Variants in MMP9 observed in about 807,000 individuals in gnomAD.
MMP9 encodes the protein matrix metalloproteinase-9.
Under a neutral mutation model 76.4 loss-of-function variants are expected in MMP9, and 73 were observed. The ratio of observed to expected loss-of-function variants is 0.96; its 90% CI spans 0.79 to 1.16. The LOEUF (loss-of-function observed/expected upper bound fraction) is 1.16, where lower values mean the gene tolerates loss of function less well. MMP9 is among the 50% of genes most tolerant of loss of function. The probability of loss-of-function intolerance (pLI) is 0.00; values close to 1 mark genes in which losing one functional copy is unlikely to be tolerated. For synonymous variants in MMP9, 412 were observed against 408.4 expected (o/e 1.01, Z -0.11); for missense variants, 943 against 973.0 (o/e 0.97, Z 0.41).
chr20:46,010,333 A>AAAAAAAAAAAAAAAAAAAC lies in MMP9; in HGVS notation c.372-142_372-141insAAAAAAAAAACAAAAAAAA, dbSNP rs796972949. The AAAAAAAAAAAAAAAAAAAC allele has an allele frequency of 1.6e-4, 129 of 828,752 alleles. 7 individuals carry two copies. The African/African-American group carries it at 2.5e-3, about 16-fold the overall frequency. The allele number at this position is 828,752 out of a possible 1,614,324, so 51.3% of individuals were successfully genotyped here. A position where few individuals can be genotyped will look rare whatever the true frequency, so the allele number is the denominator to read the frequency against. ...GGGTCTAAGTAGACAAAAAAAAAAA[A>AAAAAAAAAAAAAAAAAAAC]AAAAAAAACAGTCTGGAAGCAATTT... On this transcript the variant is annotated intron_variant, in intron 2 of 12. Coordinates refer to ENST00000372330, the MANE Select transcript of MMP9 (RefSeq NM_004994.3).
chr20:46,010,008 T>C lies in MMP9; in HGVS notation c.281T>C (p.Met94Thr). The change falls in exon 2 of 13, where the codon ATG becomes ACG. Residue 94 changes from methionine to threonine, a missense_variant. Met to Thr is a moderately conservative substitution (Grantham distance 81, BLOSUM62 -1). Transcript: ENST00000372330. The stretch of plus-strand genomic sequence containing the variant: ...CTGGATAGCGCCACGCTGAAGGCCA[T>C]GCGAACCCCACGGTGCGGGGTCCCA... ...GELDSATLKA[M>T]RTPRCGVPDL... The C allele has an allele frequency of 6.4e-7, 1 of 1,551,656 alleles. No individual in the cohort carries two copies. Among genetic ancestry groups the C allele is most frequent in the Non-Finnish European group, 8.7e-7 (1 of 1,146,982 alleles).
intron 2 of MMP9, 144 bp from the exon 3 acceptor site, chr20:46,010,339 A>AAAAAAAAAAAAAAAAAC: frequency 1.1e-6 from 1 of 920,516 alleles, no homozygotes; most frequent in South Asian, 1.5e-5. Flanking sequence ...AAAAAAAAAA[A>AAAAAAAAAAAAAAAAAC]AACAGTCTGG....
rs766452393 is a variant in MMP9 at position 46,011,171 on chromosome 20, T to C, written c.678T>C (p.Asp226=). 8.1e-6 allele frequency: 13 copies of C among 1,614,058 alleles called. No individual in the cohort carries two copies. Among genetic ancestry groups the C allele is most frequent in the Non-Finnish European group, 9.3e-6 (11 of 1,180,048 alleles). ...TTCCAACTCGGTTTGGAAACGCAGA[T>C]GGCGCGGCCTGCCACTTCCCCTTCA... is the stretch of plus-strand genomic sequence containing the variant. ...VVVPTRFGNA[D]GAACHFPFIF... is the part of the protein sequence containing the mutation. Residue 226 remains aspartate, a synonymous_variant, in exon 5 of 13, where the codon GAT becomes GAC. Transcript: ENST00000372330.
rs1198936223 is a variant in MMP9 at position 46,009,182 on chromosome 20, T to C, written c.138+118T>C. ...AGGGGTGTGTTGGTGGTGATGGGCG[T>C]ATCTGAAGAACAGAGGTGTCCAGGG... On this transcript the variant is annotated intron_variant, in intron 1 of 12. Transcript: ENST00000372330. 1.6e-5 allele frequency: 18 copies of C among 1,157,836 alleles called. No homozygotes were observed. In the East Asian group the frequency reaches 3.3e-4, roughly 21 times the overall value. 71.7% of individuals were successfully genotyped at this position (1,157,836 alleles called of 1,614,324 possible). A position where few individuals can be genotyped will look rare whatever the true frequency, so the allele number is the denominator to read the frequency against.
In MMP9 at chr20:46,013,372, C is replaced by T; in HGVS notation, c.1448C>T (p.Ala483Val). The change falls in exon 9 of 13, where the codon GCT becomes GTT. Residue 483 changes from alanine (A) to valine (V), a missense_variant. By Grantham distance (64) the Ala-to-Val change is moderately conservative. Transcript: ENST00000372330. This position sits in a 1 kb window ranked among gnomAD's most constrained non-coding sequence, Gnocchi z 4.5. ...GTCCACCCCTCAGAGCGCCCCACAG[C>T]TGGCCCCACAGGTCCCCCCTCAGCT... ...PTVHPSERPTAGPTGPPSAGP... is the reference protein window; with the variant it reads ...PTVHPSERPTVGPTGPPSAGP... The T allele has an allele frequency of 6.2e-7, 1 of 1,611,994 alleles. No homozygotes were observed. The highest frequency in any genetic ancestry group is 8.5e-7 in the Non-Finnish European group (1 of 1,178,532).
chr20:46,011,464 G>C, intron 5 of MMP9, 110 bp from the exon 6 acceptor site: 2 of 1,570,186 alleles, frequency 1.3e-6, no homozygotes, highest in Admixed American at 3.3e-5. Context: ...GAAATGATGA[G>C]AGATGGGATG....
At position 46,012,243 on chromosome 20, in the gene MMP9, T is replaced by TG; in HGVS notation, c.1107dup (p.Arg370AlafsTer11). ...CCTGTACCAGCGAGGGCCGCGGAGA[T>TG]GGGCGCCTCTGGTGCGCTACCACCT... On this transcript the variant is annotated frameshift_variant, in exon 7 of 13. Transcript: ENST00000372330. LOFTEE classifies it high-confidence loss of function. 6.2e-7 allele frequency: 1 copy of TG among 1,614,066 alleles called. No homozygotes were observed. Among genetic ancestry groups the TG allele is most frequent in the Non-Finnish European group, 8.5e-7 (1 of 1,180,020 alleles).
chr20:46,013,609 C>T lies in MMP9; in HGVS notation c.1611-48C>T, dbSNP rs752829288. On this transcript the variant is annotated intron_variant, in intron 9 of 12. Transcript: ENST00000372330. The surrounding 1 kb of genome is among the most constrained non-coding windows in gnomAD (Gnocchi z 4.5). ...TGCCCGTCCCTTCCCGCCCACTGGC[C>T]CTGTGTCCAAGGCTTAGAGCCCGTC... 1 of 1,612,942 alleles carries T rather than the reference C, an allele frequency of 6.2e-7. No homozygotes were observed. Among genetic ancestry groups the T allele is most frequent in the Non-Finnish European group, 8.5e-7 (1 of 1,179,200 alleles).
In MMP9 at chr20:46,013,630, C is replaced by T; in HGVS notation, c.1611-27C>T. 6.2e-7 allele frequency: 1 copy of T among 1,614,022 alleles called. No homozygotes were observed. The highest frequency in any genetic ancestry group is 8.5e-7 in the Non-Finnish European group (1 of 1,179,950). On this transcript the variant is annotated intron_variant, in intron 9 of 12. Transcript: ENST00000372330. The surrounding 1 kb of genome is among the most constrained non-coding windows in gnomAD (Gnocchi z 4.5). ...TGGCCCTGTGTCCAAGGCTTAGAGC[C>T]CGTCCTTTCCCTCCTCGCTTTCTCA...
rs1173991915 is a variant in MMP9, at chr20:46,010,086, A to G, written c.359A>G (p.Asn120Ser). 3.9e-6 allele frequency: 6 copies of G among 1,545,154 alleles called. No individual in the cohort carries two copies. Among genetic ancestry groups the G allele is most frequent in the East Asian group, 4.9e-5 (2 of 40,548 alleles). Residue 120 changes from asparagine to serine, a missense_variant, in exon 2 of 13, where the codon AAC becomes AGC. Asn to Ser is a conservative substitution (Grantham distance 46, BLOSUM62 1). Transcript: ENST00000372330. ...GGCGACCTCAAGTGGCACCACCACA[A>G]CATCACCTATTGGTGAGCCGGGGCC... ...FEGDLKWHHH[N>S]ITYWIQNYSE... is the part of the protein sequence containing the mutation.
chr20:46,009,380 A>G (rs547135794), intron 1 of MMP9, among the ~76,000 whole-genome samples: 1 of 152,216 alleles, frequency 6.6e-6, no homozygotes, highest in Admixed American at 6.5e-5. Flanking sequence ...GCTGTGGGGT[A>G]GAAATGGGCT....
Position 46,014,291 on chromosome 20 carries a change from C to T in MMP9, c.1901+17C>T, listed in dbSNP as rs1377989428. The T allele has an allele frequency of 2.0e-6, 3 of 1,528,946 alleles. No individual in the cohort carries two copies. Among genetic ancestry groups the T allele is most frequent in the East Asian group, 2.5e-5 (1 of 40,690 alleles). The allele number at this position is 1,528,946 out of a possible 1,614,324, so 94.7% of individuals were successfully genotyped here. ...CCTCTGGAGGTGAGCGCCGCCGCGG[C>T]CGCCGGCAGGGGGAGCCCGGGCGCC... On this transcript the variant is annotated intron_variant, in intron 11 of 12. Transcript: ENST00000372330.
Position 46,010,570 on chromosome 20 carries a change from G to A in MMP9, c.459G>A (p.Pro153=). The change falls in exon 3 of 13, where the codon CCG becomes CCA. Residue 153 remains proline, a synonymous_variant. Transcript: ENST00000372330. ...TCGCACTGTGGAGCGCGGTGACGCC[G>A]CTCACCTTCACTCGCGTGTACAGCC... ...RAFALWSAVT[P]LTFTRVYSRD... The A allele has an allele frequency of 6.2e-7, 1 of 1,614,188 alleles. No individual in the cohort carries two copies. The highest frequency in any genetic ancestry group is 8.5e-7 in the Non-Finnish European group (1 of 1,180,034).
In MMP9 at chr20:46,014,467, G is replaced by A; in HGVS notation, c.1998G>A (p.Gln666=). The A allele has an allele frequency of 1.9e-6, 3 of 1,550,282 alleles. No individual in the cohort carries two copies. The highest frequency in any genetic ancestry group is 2.6e-6 in the Non-Finnish European group (3 of 1,146,952). ...GVPLDTHDVF[Q]YREKAYFCQD... Reference sequence around the variant, plus strand: ...CTTTGGACACGCACGACGTCTTCCAGTACCGAGGTGAGGGCTGAGGAGGAT... The same window carrying A: ...CTTTGGACACGCACGACGTCTTCCAATACCGAGGTGAGGGCTGAGGAGGAT... The change falls in exon 12 of 13, where the codon CAG becomes CAA. Residue 666 remains glutamine, a synonymous_variant. Coordinates refer to ENST00000372330, the MANE Select transcript of MMP9 (RefSeq NM_004994.3).
In MMP9 at chr20:46,010,028, G is replaced by A; in HGVS notation, c.301G>A (p.Val101Ile). 4 of 1,551,568 alleles carry A rather than the reference G, an allele frequency of 2.6e-6. No homozygotes were observed. In the South Asian group the frequency reaches 3.6e-5, roughly 14 times the overall value. The change falls in exon 2 of 13, where the codon GTC becomes ATC. Residue 101 changes from valine to isoleucine, a missense_variant. Coordinates refer to ENST00000372330, the MANE Select transcript of MMP9 (RefSeq NM_004994.3). ...LKAMRTPRCG[V>I]PDLGRFQTFE... ...GGCCATGCGAACCCCACGGTGCGGG[G>A]TCCCAGACCTGGGCAGATTCCAAAC...
At position 46,013,819 on chromosome 20, in the gene MMP9, C is replaced by G. The variant is rs2145455946; in HGVS notation, c.1750+23C>G. The G allele has an allele frequency of 6.2e-7, 1 of 1,611,304 alleles. No homozygotes were observed. The highest frequency in any genetic ancestry group is 1.7e-5 in the Admixed American group (1 of 59,928). On this transcript the variant is annotated intron_variant, in intron 10 of 12. Transcript: ENST00000372330. This position sits in a 1 kb window ranked among gnomAD's most constrained non-coding sequence, Gnocchi z 4.5. ...CTGGTTAGTTACCTACTTTCCCTCCCCCGCCCGGTCAATCCCCATCAGTCA... is the reference window on the plus strand; with the variant it reads ...CTGGTTAGTTACCTACTTTCCCTCCGCCGCCCGGTCAATCCCCATCAGTCA...
chr20:46,012,218 C>T lies in MMP9; in HGVS notation c.1079C>T (p.Thr360Ile). 8.7e-6 allele frequency: 14 copies of T among 1,614,194 alleles called. No individual in the cohort carries two copies. Among genetic ancestry groups the T allele is most frequent in the Non-Finnish European group, 1.1e-5 (13 of 1,180,058 alleles). Residue 360 changes from threonine to isoleucine, a missense_variant, in exon 7 of 13, where the codon ACC (threonine) becomes ATC (isoleucine). Thr to Ile is a moderately conservative substitution (Grantham distance 89). Coordinates refer to ENST00000372330, the MANE Select transcript of MMP9 (RefSeq NM_004994.3). ...ACTTTCCTGGGTAAGGAGTACTCGA[C>T]CTGTACCAGCGAGGGCCGCGGAGAT... Reference protein sequence around the residue: ...PFTFLGKEYSTCTSEGRGDGR... With the variant: ...PFTFLGKEYSICTSEGRGDGR...
chr20:46,015,426 T>C lies in MMP9; in HGVS notation c.2006-824T>C, dbSNP rs79825054. Among the ~76,000 whole-genome samples, 857 of 151,828 alleles carry C rather than the reference T, an allele frequency of 5.6e-3. 7 individuals carry two copies. Among genetic ancestry groups the C allele is most frequent in the African/African-American group, 8.7e-3 (361 of 41,446 alleles). ...CTTGTTTTTATTTTCTCCATAGCTT[T>C]CTATATTTTCTTTTTTTTTCTTTTT... On this transcript the variant is annotated intron_variant, in intron 12 of 12. Transcript: ENST00000372330.
intron 1 of MMP9, among the ~76,000 whole-genome samples, 162 bp downstream of exon 1, chr20:46,009,226 T>C (rs1181310260): frequency 6.6e-6 from 1 of 151,688 alleles, no homozygotes; most frequent in Non-Finnish European, 1.5e-5. Context: ...TGGGGGGTCT[T>C]GTGGAGGCTT....
Sources: allele counts gnomAD v4.1 joint callset (sites outside exome capture counted in the v4.1 genomes callset), GRCh38; gene constraint gnomAD v4.1.1; non-coding constraint Gnocchi (gnomAD v3.1); transcripts MANE v1.5; gene names NCBI Gene and HGNC (gene_info 2026-07-23, HGNC 2026-07-21).